The following NRXN3 variants were observed in gnomAD, a reference collection of about 807,000 sequenced individuals.
The protein encoded by NRXN3 is neurexin 3.
Under a neutral mutation model 137.6 loss-of-function variants are expected in NRXN3, and 32 were observed. The observed-to-expected ratio is 0.23, with a 90% CI of 0.18 to 0.31. NRXN3 has a LOEUF of 0.31. Ranked by LOEUF, NRXN3 falls within the 10% of genes least tolerant of loss-of-function variation. The pLI is 1.00. For synonymous variants in NRXN3, 798 were observed against 784.5 expected (o/e 1.02, Z -0.29); for missense variants, 1,574 against 2,062.5 (o/e 0.76, Z 4.59).
chr14:78,476,961 A>G (rs1301568905), intron 4 of NRXN3, among the ~76,000 whole-genome samples: 1 of 152,116 alleles, frequency 6.6e-6, no homozygotes, highest in African/African-American at 2.4e-5. Context: ...TTTCCATGCA[A>G]TCTGAGCTCT....
At chr14:78,380,199 ATGAGT>A (rs2088781080) in intron 4 of NRXN3, among the ~76,000 whole-genome samples, 1 of 151,692 alleles carries the variant, frequency 6.6e-6, no homozygotes, top group South Asian at 2.1e-4. Flanking sequence ...CCAGGTTGTA[ATGAGT>A]TGAGTTTGGC....
chr14:79,239,979 A>G (rs947678925), intron 15 of NRXN3, among the ~76,000 whole-genome samples: 1 of 152,172 alleles, frequency 6.6e-6, no homozygotes, highest in African/African-American at 2.4e-5. Context: ...AGAGGCAGAG[A>G]ATAGAATAGT....
In NRXN3 at chr14:79,548,790, A is replaced by G. The variant is rs570805031; in HGVS notation, c.3444+81388A>G. Among the ~76,000 whole-genome samples, 6 of 152,204 alleles carry G rather than the reference A, an allele frequency of 3.9e-5. No homozygotes were observed. In the East Asian group the frequency reaches 1.2e-3, roughly 30 times the overall value. On this transcript the variant is annotated intron_variant, in intron 16 of 20. Transcript: ENST00000335750. ...AAAAAATCATGTTCCCTAAACACAA[A>G]TAACTTCATCTGCTGCCCAAGCAAA...
chr14:79,747,325 T>C (rs1349510739), intron 19 of NRXN3, among the ~76,000 whole-genome samples: 1 of 151,962 alleles, frequency 6.6e-6, no homozygotes, highest in Non-Finnish European at 1.5e-5. Flanking sequence ...GACGGTGACA[T>C]GATAAAATTT....
chr14:79,698,054 C>G (rs2098741602), intron 19 of NRXN3, 117 bp downstream of exon 19: 1 of 914,632 alleles, frequency 1.1e-6, no homozygotes, highest in Non-Finnish European at 1.6e-6. Context: ...AGGATGCTGG[C>G]AGATACTCAT....
At chr14:79,496,274 CACG>C (rs1411812136) in intron 16 of NRXN3, among the ~76,000 whole-genome samples, 1 of 151,422 alleles carries the variant, frequency 6.6e-6, no homozygotes, top group Non-Finnish European at 1.5e-5. Context: ...CACACACACA[CACG>C]ACAACTGTGA....
chr14:78,719,373 C>T (rs779228385), intron 8 of NRXN3, among the ~76,000 whole-genome samples: 53 of 152,154 alleles, frequency 3.5e-4, no homozygotes, highest in Non-Finnish European at 6.0e-4. Context: ...TGCTCCTCTC[C>T]ATTCGGGGCC....
At chr14:78,898,514 A>T (rs1271196822) in intron 10 of NRXN3, among the ~76,000 whole-genome samples, 1 of 151,324 alleles carries the variant, frequency 6.6e-6, no homozygotes, top group Non-Finnish European at 1.5e-5. Context: ...AGAGATGCAT[A>T]AGTTTCTTAA....
chr14:79,141,841 C>G (rs974044075), intron 15 of NRXN3, among the ~76,000 whole-genome samples: 1 of 152,296 alleles, frequency 6.6e-6, no homozygotes, highest in Admixed American at 6.5e-5. Context: ...TAAATAGCCT[C>G]TGTTGGTGGC....
chr14:78,249,318 G>A (rs1320894783), intron 2 of NRXN3, among the ~76,000 whole-genome samples: 3 of 152,244 alleles, frequency 2.0e-5, no homozygotes, highest in African/African-American at 7.2e-5. Flanking sequence ...AGAGTAGCAC[G>A]TGAACTTGCA....
At chr14:79,479,790 C>T (rs1162726232) in intron 16 of NRXN3, among the ~76,000 whole-genome samples, 2 of 152,032 alleles carry the variant, frequency 1.3e-5, no homozygotes, top group African/African-American at 2.4e-5. Flanking sequence ...CTTAAATACT[C>T]CTATGCAAAA....
chr14:79,725,740 A>G (rs1193268086), intron 19 of NRXN3, among the ~76,000 whole-genome samples: 1 of 152,188 alleles, frequency 6.6e-6, no homozygotes, highest in Non-Finnish European at 1.5e-5. Context: ...ATGGTCTGGT[A>G]TACTTTATGA....
chr14:79,768,774 A>G (rs536703983), intron 19 of NRXN3, among the ~76,000 whole-genome samples: 1 of 152,366 alleles, frequency 6.6e-6, no homozygotes, highest in African/African-American at 2.4e-5. Context: ...CTGGACAGAG[A>G]ATGACTTTGA....
intron 19 of NRXN3, among the ~76,000 whole-genome samples, chr14:79,774,784 T>C (rs2099091393): frequency 6.6e-6 from 1 of 152,194 alleles, no homozygotes; most frequent in Admixed American, 6.6e-5. Flanking sequence ...AGATGACTGA[T>C]GCTGAAATTT....
chr14:78,832,852 T>G (rs2098986159), intron 10 of NRXN3, among the ~76,000 whole-genome samples: 1 of 152,212 alleles, frequency 6.6e-6, no homozygotes, highest in Non-Finnish European at 1.5e-5. Flanking sequence ...GAAGAGGAGC[T>G]TGGATGTCAG....
intron 10 of NRXN3, among the ~76,000 whole-genome samples, chr14:78,827,777 A>G (rs1478139879): frequency 6.6e-6 from 1 of 152,228 alleles, no homozygotes; most frequent in Admixed American, 6.5e-5. Flanking sequence ...GCCAGGCCTC[A>G]CTCAAAACAG....
intron 15 of NRXN3, among the ~76,000 whole-genome samples, chr14:79,228,596 A>G (rs548010899): frequency 6.6e-6 from 1 of 152,302 alleles, no homozygotes; most frequent in African/African-American, 2.4e-5. Context: ...AATTAAAGGG[A>G]CATCCAACAT....
intron 4 of NRXN3, among the ~76,000 whole-genome samples, chr14:78,615,719 G>C (rs1279735267): frequency 6.6e-6 from 1 of 152,156 alleles, no homozygotes; most frequent in Non-Finnish European, 1.5e-5. Context: ...AGGATTGCTT[G>C]AGGCCAGGAG....
intron 4 of NRXN3, among the ~76,000 whole-genome samples, chr14:78,454,023 A>G (rs970245348): frequency 2.2e-4 from 34 of 152,322 alleles, no homozygotes; most frequent in African/African-American, 7.7e-4. Flanking sequence ...TAAAAAACTA[A>G]TACACCACTG....
Sources: gnomAD v4.1 joint callset for allele counts (sites outside exome capture counted in the v4.1 genomes callset) on GRCh38, gnomAD v4.1.1 for gene constraint, MANE v1.5 for transcripts, NCBI Gene and HGNC (gene_info 2026-07-23, HGNC 2026-07-21) for gene names.